The following LAMC1 variants were observed in gnomAD, a reference collection of about 807,000 sequenced individuals.
LAMC1 encodes laminin subunit gamma 1, also known as laminin subunit gamma-1.
In LAMC1, 38 loss-of-function variants were observed where a neutral mutation model predicts 173.6. That is an observed-to-expected ratio of 0.22 (90% CI 0.17 to 0.29). The LOEUF is 0.29. Ranked by LOEUF, LAMC1 falls within the 10% of genes least tolerant of loss-of-function variation. The pLI is 1.00. For missense variants in LAMC1, 1,824 were observed against 2,051.8 expected, an observed-to-expected ratio of 0.89 and a Z score of 2.14; for synonymous variants, 746 against 749.1, an observed-to-expected ratio of 1.00 and a Z score of 0.07.
intron 1 of LAMC1, among the ~76,000 whole-genome samples, chr1:183,090,708 T>A (rs1264153912): frequency 6.6e-6 from 1 of 152,202 alleles, no homozygotes; most frequent in Non-Finnish European, 1.5e-5. Flanking sequence ...TTTGCAGTTT[T>A]CAACATGTCA....
At chr1:183,079,885 C>T (rs781305705) in intron 1 of LAMC1, among the ~76,000 whole-genome samples, 1 of 152,122 alleles carries the variant, frequency 6.6e-6, no homozygotes, top group Non-Finnish European at 1.5e-5. Flanking sequence ...TTACTGTAGT[C>T]GTTTTACAGT....
chr1:183,126,171 C>T lies in LAMC1; in HGVS notation c.2853C>T (p.Thr951=), dbSNP rs370176031. ...GSTNGQCDIR[T]GQCECQPGIT... ...CCAATGGGCAGTGTGACATCCGCAC[C>T]GGCCAGTGTGAGTGCCAGCCCGGCA... The change falls in exon 16 of 28, where the codon ACC becomes ACT. Residue 951 remains threonine, a synonymous_variant. Transcript: ENST00000258341. 41 of 1,614,056 alleles carry T rather than the reference C, an allele frequency of 2.5e-5. No individual in the cohort carries two copies. The highest frequency in any genetic ancestry group is 8.0e-5 in the African/African-American group (6 of 74,930).
At chr1:183,141,788 C>G (rs1365819720) in intron 27 of LAMC1, among the ~76,000 whole-genome samples, 2 of 152,186 alleles carry the variant, frequency 1.3e-5, no homozygotes, top group Non-Finnish European at 2.9e-5. Flanking sequence ...GGGTTAGTAT[C>G]TTTGCTTTGT....
intron 1 of LAMC1, among the ~76,000 whole-genome samples, chr1:183,064,848 T>A (rs1654833864): frequency 6.6e-6 from 1 of 152,216 alleles, no homozygotes; most frequent in Non-Finnish European, 1.5e-5. Context: ...TAGGGTCATA[T>A]GTGGCTGGAG....
intron 1 of LAMC1, among the ~76,000 whole-genome samples, chr1:183,098,063 G>A (rs1011221271): frequency 1.3e-5 from 2 of 152,154 alleles, no homozygotes; most frequent in Non-Finnish European, 2.9e-5. Context: ...TTACCTTAAA[G>A]CCATACTGTC....
At chr1:183,039,791 G>A (rs1214438228) in intron 1 of LAMC1, among the ~76,000 whole-genome samples, 1 of 152,200 alleles carries the variant, frequency 6.6e-6, no homozygotes, top group African/African-American at 2.4e-5. Context: ...CTTCCCAGAT[G>A]TTTGTAGTAC....
chr1:183,034,235 A>T (rs377126232), intron 1 of LAMC1, among the ~76,000 whole-genome samples: 1 of 152,158 alleles, frequency 6.6e-6, no homozygotes, highest in Non-Finnish European at 1.5e-5. Flanking sequence ...TGTATTTGAG[A>T]TCAGACAAAA....
In LAMC1 at chr1:183,103,436, A is replaced by G. The variant is rs1382209801; in HGVS notation, c.527A>G (p.Gln176Arg). Reference sequence around the variant, plus strand: ...GAAGACGGGCCCTGGATTCCTTACCAGTACTACAGTGGTTCCTGTGAGAAC... The same window carrying G: ...GAAGACGGGCCCTGGATTCCTTACCGGTACTACAGTGGTTCCTGTGAGAAC... ...TREDGPWIPYQYYSGSCENTY... is the reference protein window; with the variant it reads ...TREDGPWIPYRYYSGSCENTY... The change falls in exon 2 of 28, where the codon CAG becomes CGG. Residue 176 changes from glutamine (Q) to arginine (R), a missense_variant. Physicochemically the swap from Gln to Arg is conservative, Grantham distance 43. Coordinates refer to ENST00000258341, the MANE Select transcript of LAMC1 (RefSeq NM_002293.4). 4 of 1,614,038 alleles carry G rather than the reference A, an allele frequency of 2.5e-6. No homozygotes were observed. Among genetic ancestry groups the G allele is most frequent in the African/African-American group, 1.3e-5 (1 of 74,926 alleles).
At chr1:183,103,075 A>G (rs1017346311) in intron 1 of LAMC1, among the ~76,000 whole-genome samples, 2 of 152,206 alleles carry the variant, frequency 1.3e-5, no homozygotes, top group Admixed American at 1.3e-4. Flanking sequence ...ATACGCCGCC[A>G]GTTTTCATTG....
intron 1 of LAMC1, among the ~76,000 whole-genome samples, chr1:183,102,476 A>T (rs1655860634): frequency 6.6e-6 from 1 of 152,206 alleles, no homozygotes; most frequent in African/African-American, 2.4e-5. Context: ...ATATTGTTAG[A>T]GTTAGCAAGA....
intron 1 of LAMC1, among the ~76,000 whole-genome samples, chr1:183,098,241 A>G (rs1655744025): frequency 6.6e-6 from 1 of 152,210 alleles, no homozygotes; most frequent in Admixed American, 6.5e-5. Context: ...AGTGAGAGAG[A>G]GGACATGGTA....
intron 1 of LAMC1, among the ~76,000 whole-genome samples, chr1:183,036,670 C>T (rs527568407): frequency 2.8e-4 from 42 of 152,292 alleles, no homozygotes; most frequent in African/African-American, 8.7e-4. Flanking sequence ...AGATTACAGA[C>T]GTGAGCCACT....
intron 1 of LAMC1, among the ~76,000 whole-genome samples, chr1:183,090,936 G>T (rs977509666): frequency 2.0e-5 from 3 of 152,020 alleles, no homozygotes; most frequent in Non-Finnish European, 2.9e-5. Flanking sequence ...AGAGCTAAAG[G>T]TTATTATTAC....
chr1:183,038,559 T>A lies in LAMC1; in HGVS notation c.418+14425T>A, dbSNP rs202151288. Among the ~76,000 whole-genome samples the A allele has an allele frequency of 4.8e-5, 7 of 144,718 alleles. No homozygotes were observed. In the East Asian group the frequency reaches 1.2e-3, roughly 25 times the overall value. 94.9% of individuals were successfully genotyped at this position (144,718 alleles called of 152,430 possible). Reference sequence around the variant, plus strand: ...TTCTTCAGAGAGAATGAAGGGATAATGATTTCCAAGAAAAGAGTTTTGCAG... The same window carrying A: ...TTCTTCAGAGAGAATGAAGGGATAAAGATTTCCAAGAAAAGAGTTTTGCAG... On this transcript the variant is annotated intron_variant, in intron 1 of 27. Transcript: ENST00000258341.
At chr1:183,042,905 T>C (rs1654175350) in intron 1 of LAMC1, among the ~76,000 whole-genome samples, 1 of 152,196 alleles carries the variant, frequency 6.6e-6, no homozygotes, top group Admixed American at 6.5e-5. Flanking sequence ...ACATCCCACA[T>C]GGGCATTGTC....
At position 183,086,194 on chromosome 1, in the gene LAMC1, G is replaced by T. The variant is rs1157494920; in HGVS notation, c.419-17134G>T. ...TAAGGAGACAAATCTAGTGAAGGCT[G>T]CCTTGACTTAACAGTGCAGAATCAC... is the stretch of plus-strand genomic sequence containing the variant. On this transcript the variant is annotated intron_variant, in intron 1 of 27. Coordinates refer to ENST00000258341, the MANE Select transcript of LAMC1 (RefSeq NM_002293.4). 2.6e-5 allele frequency among the ~76,000 whole-genome samples: 4 copies of T among 152,200 alleles called. No homozygotes were observed. In the East Asian group the frequency reaches 5.8e-4, roughly 22 times the overall value.
At chr1:183,053,419 G>GTGT (rs771236531) in intron 1 of LAMC1, among the ~76,000 whole-genome samples, 1 of 146,902 alleles carries the variant, frequency 6.8e-6, no homozygotes, top group African/African-American at 2.5e-5. Flanking sequence ...TTTTGTGTGT[G>GTGT]TTTTTTTTTT....
chr1:183,034,981 AT>A (rs1571400019), intron 1 of LAMC1, among the ~76,000 whole-genome samples: 1 of 152,134 alleles, frequency 6.6e-6, no homozygotes, highest in Non-Finnish European at 1.5e-5. Context: ...TGGTACATAG[AT>A]TATGTTTTTG....
intron 24 of LAMC1, 126 bp downstream of exon 24, chr1:183,135,282 T>G (rs2102109549): frequency 1.6e-6 from 1 of 644,068 alleles, no homozygotes; most frequent in African/African-American, 1.8e-5. Flanking sequence ...GCTAAAGTAT[T>G]TCAAAGGGAA....
Sources: allele counts gnomAD v4.1 joint callset (sites outside exome capture counted in the v4.1 genomes callset), GRCh38; gene constraint gnomAD v4.1.1; transcripts MANE v1.5; gene names NCBI Gene and HGNC (gene_info 2026-07-23, HGNC 2026-07-21).